SLC6A2: variants seen among roughly 807,000 people sequenced by gnomAD.
SLC6A2 encodes the protein sodium-dependent noradrenaline transporter.
In SLC6A2, 26 loss-of-function variants were observed where a neutral mutation model predicts 71.7. The ratio of observed to expected loss-of-function variants is 0.36; its 90% CI spans 0.27 to 0.50. The LOEUF (loss-of-function observed/expected upper bound fraction) is 0.50, where lower values mean the gene tolerates loss of function less well. SLC6A2 is among the 20% of genes least tolerant of loss of function. SLC6A2 has a pLI of 0.96. For synonymous variants in SLC6A2, 363 were observed against 337.9 expected (o/e 1.07, Z -0.82); for missense variants, 581 against 803.9 (o/e 0.72, Z 3.35).
At position 55,698,568 on chromosome 16, in the gene SLC6A2, G is replaced by A; in HGVS notation, c.1489G>A (p.Gly497Arg). The change falls in exon 11 of 15, where the codon GGA becomes AGA. Residue 497 changes from glycine (G) to arginine (R), a missense_variant and splice_region_variant. Gly to Arg is a moderately radical substitution (Grantham distance 125). This residue lies in a region of SLC6A2 where 334 missense variants were observed against 449.0 expected (regional missense o/e 0.74). Coordinates refer to ENST00000568943, the MANE Select transcript of SLC6A2 (RefSeq NM_001172501.3). ...AGCCATCGGAGTTTCCTGGTTTTAT[G>A]GTATGTGAGTGTGTGGAAAAGCCTC... ...MEAIGVSWFY[G>R]VDRFSNDIQQ... is the part of the protein sequence containing the mutation. The A allele has an allele frequency of 6.2e-7, 1 of 1,605,138 alleles. No homozygotes were observed.
rs1386507365 is a variant in SLC6A2, at chr16:55,703,841, G to A, written c.*1495G>A. On this transcript the variant is annotated 3_prime_UTR_variant, in exon 15 of 15. Coordinates refer to ENST00000568943, the MANE Select transcript of SLC6A2 (RefSeq NM_001172501.3). The stretch of plus-strand genomic sequence containing the variant: ...TTGTTGAGCCTGGTGGTTCCTGCAT[G>A]AAGAGGATTATGAGGGGACCAGGGT... The A allele has an allele frequency of 2.0e-6, 2 of 983,914 alleles. No homozygotes were observed. The highest frequency in any genetic ancestry group is 2.4e-6 in the Non-Finnish European group (2 of 828,698). 60.9% of individuals were successfully genotyped at this position (983,914 alleles called of 1,614,324 possible).
chr16:55,661,820 C>A (rs562912008), intron 2 of SLC6A2, among the ~76,000 whole-genome samples: 1 of 152,328 alleles, frequency 6.6e-6, no homozygotes, highest in South Asian at 2.1e-4. Context: ...GGACTCTCTC[C>A]TCTCCCCAAG....
Position 55,656,964 on chromosome 16 carries a change from C to T in SLC6A2, c.270C>T (p.Gly90=), listed in dbSNP as rs1286710340. Residue 90 remains glycine, a synonymous_variant, in exon 2 of 15, where the codon GGC becomes GGT. Coordinates refer to ENST00000568943, the MANE Select transcript of SLC6A2 (RefSeq NM_001172501.3). The surrounding 1 kb of genome is among the most constrained non-coding windows in gnomAD (Gnocchi z 4.5). ...TCCCCTACCTCTGCTACAAGAACGG[C>T]GGCGGTGAGCGTGGGGTCGGGCTGG... The part of the protein sequence containing the change: ...WRFPYLCYKN[G]GGAFLIPYTL... 6.2e-7 allele frequency: 1 copy of T among 1,613,202 alleles called. No homozygotes were observed. Among genetic ancestry groups the T allele is most frequent in the Non-Finnish European group, 8.5e-7 (1 of 1,179,608 alleles).
Position 55,705,406 on chromosome 16 carries a change from T to A in SLC6A2, c.*3060T>A. On this transcript the variant is annotated 3_prime_UTR_variant, in exon 15 of 15. Coordinates refer to ENST00000568943, the MANE Select transcript of SLC6A2 (RefSeq NM_001172501.3). ...CATTCTTACCAAAGAAATCATTTCC[T>A]AGTAAAGAAGCCCATTGAACTCACT... The A allele has an allele frequency of 1.6e-6, 1 of 631,748 alleles. No individual in the cohort carries two copies. Among genetic ancestry groups the A allele is most frequent in the Non-Finnish European group, 2.7e-6 (1 of 369,620 alleles). The allele number at this position is 631,748 out of a possible 1,614,324, so 39.1% of individuals were successfully genotyped here. A position where few individuals can be genotyped will look rare whatever the true frequency, so the allele number is the denominator to read the frequency against.
intron 2 of SLC6A2, among the ~76,000 whole-genome samples, chr16:55,657,993 A>T: frequency 6.6e-6 from 1 of 152,016 alleles, no homozygotes; most frequent in Non-Finnish European, 1.5e-5. Context: ...AAGAAATTGG[A>T]GAAGGGGGAC....
At chr16:55,689,959 T>C (rs557784048) in intron 5 of SLC6A2, among the ~76,000 whole-genome samples, 5 of 152,334 alleles carry the variant, frequency 3.3e-5, no homozygotes, top group Admixed American at 2.6e-4. Context: ...CTCGCTCCCA[T>C]GCTGACCCAG....
chr16:55,680,365 C>T (rs947150647), intron 4 of SLC6A2, among the ~76,000 whole-genome samples: 3 of 152,068 alleles, frequency 2.0e-5, no homozygotes, highest in Non-Finnish European at 4.4e-5. Flanking sequence ...TCGACTCACA[C>T]GATAACAAAG....
rs745567201 is a variant in SLC6A2 at position 55,669,553 on chromosome 16, T to C, written c.275-12T>C. ...GGTCTGTCAGGTCACACTCTGCCCCTGTGTCCTCCAGGTGCCTTCTTGATC... is the reference window on the plus strand; with the variant it reads ...GGTCTGTCAGGTCACACTCTGCCCCCGTGTCCTCCAGGTGCCTTCTTGATC... On this transcript the variant is annotated splice_polypyrimidine_tract_variant and intron_variant, in intron 2 of 14. Coordinates refer to ENST00000568943, the MANE Select transcript of SLC6A2 (RefSeq NM_001172501.3). 82 of 1,613,784 alleles carry C rather than the reference T, an allele frequency of 5.1e-5. No homozygotes were observed. The highest frequency in any genetic ancestry group is 6.7e-5 in the African/African-American group (5 of 74,926).
chr16:55,702,665 C>A lies in SLC6A2; in HGVS notation c.*319C>A. ...GGTTCATGAGGTCGGAAATCCCCAC[C>A]ACATTTGCCTAGACTTTGGGCACAG... is the stretch of plus-strand genomic sequence containing the variant. On this transcript the variant is annotated 3_prime_UTR_variant, in exon 15 of 15. Coordinates refer to ENST00000568943, the MANE Select transcript of SLC6A2 (RefSeq NM_001172501.3). 7.7e-7 allele frequency: 1 copy of A among 1,293,156 alleles called. No homozygotes were observed. Among genetic ancestry groups the A allele is most frequent in the Non-Finnish European group, 9.9e-7 (1 of 1,014,636 alleles). The allele number at this position is 1,293,156 out of a possible 1,614,324, so 80.1% of individuals were successfully genotyped here. A position where few individuals can be genotyped will look rare whatever the true frequency, so the allele number is the denominator to read the frequency against.
chr16:55,698,942 C>T (rs1258908423), intron 11 of SLC6A2, among the ~76,000 whole-genome samples: 3 of 152,176 alleles, frequency 2.0e-5, no homozygotes, highest in Admixed American at 6.5e-5. Flanking sequence ...AATATTGCAT[C>T]GGACATACTT....
At chr16:55,664,682 A>G (rs986593066) in intron 2 of SLC6A2, among the ~76,000 whole-genome samples, 24 of 152,208 alleles carry the variant, frequency 1.6e-4, no homozygotes, top group African/African-American at 5.3e-4. Flanking sequence ...TGACACAGGT[A>G]TTATTATCGC....
At chr16:55,664,277 G>T (rs1383437979) in intron 2 of SLC6A2, among the ~76,000 whole-genome samples, 1 of 152,122 alleles carries the variant, frequency 6.6e-6, no homozygotes, top group Non-Finnish European at 1.5e-5. Context: ...CTACCTTCAT[G>T]CCATCCTTCA....
In SLC6A2 at chr16:55,705,921, C is replaced by T. The variant is rs1210243629; in HGVS notation, c.*3575C>T. Reference sequence around the variant, plus strand: ...GAGGCTTTGGAGGGTAACACATTTTCATACCCTGTGAGTCCCAGGATCCAC... The same window carrying T: ...GAGGCTTTGGAGGGTAACACATTTTTATACCCTGTGAGTCCCAGGATCCAC... On this transcript the variant is annotated 3_prime_UTR_variant, in exon 15 of 15. Coordinates refer to ENST00000568943, the MANE Select transcript of SLC6A2 (RefSeq NM_001172501.3). 6.6e-6 allele frequency: 1 copy of T among 152,212 alleles called. No individual in the cohort carries two copies. Among genetic ancestry groups the T allele is most frequent in the Non-Finnish European group, 1.5e-5 (1 of 68,046 alleles). The allele number at this position is 152,212 out of a possible 1,614,324, so 9.4% of individuals were successfully genotyped here. A position where few individuals can be genotyped will look rare whatever the true frequency, so the allele number is the denominator to read the frequency against.
chr16:55,678,830 A>T (rs1596979528), intron 4 of SLC6A2, among the ~76,000 whole-genome samples: 1 of 152,262 alleles, frequency 6.6e-6, no homozygotes, highest in East Asian at 1.9e-4. Flanking sequence ...ACTAAAACTG[A>T]CGTAAGTTTC....
rs998916058 is a variant in SLC6A2, at chr16:55,697,761, C to T, written c.1261-136C>T. ...TGACGAGAGGATGGGGAAGGCAGGA[C>T]GTGCTGATTTCTCGAGAGAGGCAAG... On this transcript the variant is annotated intron_variant, in intron 9 of 14. Coordinates refer to ENST00000568943, the MANE Select transcript of SLC6A2 (RefSeq NM_001172501.3). The T allele has an allele frequency of 5.3e-5, 43 of 813,052 alleles. 1 individual carries two copies. The highest frequency in any genetic ancestry group is 8.2e-5 in the Non-Finnish European group (41 of 497,370). The allele number at this position is 813,052 out of a possible 1,614,324, so 50.4% of individuals were successfully genotyped here.
At chr16:55,698,665 T>G in intron 11 of SLC6A2, 97 bp downstream of exon 11, 8 of 844,384 alleles carry the variant, frequency 9.5e-6, no homozygotes, top group Non-Finnish European at 1.4e-5. Flanking sequence ...GACAGCCACC[T>G]AAAATTCCAG....
intron 12 of SLC6A2, among the ~76,000 whole-genome samples, 174 bp downstream of exon 12, chr16:55,699,828 C>A (rs1444754552): frequency 2.0e-5 from 3 of 152,022 alleles, no homozygotes; most frequent in African/African-American, 7.2e-5. Context: ...AGACATCCAC[C>A]TTACTAGGGG....
chr16:55,656,650 G>T lies in SLC6A2; in HGVS notation c.-45G>T. On this transcript the variant is annotated 5_prime_UTR_variant, in exon 2 of 15. Coordinates refer to ENST00000568943, the MANE Select transcript of SLC6A2 (RefSeq NM_001172501.3). The surrounding 1 kb of genome is among the most constrained non-coding windows in gnomAD (Gnocchi z 4.5). Reference sequence around the variant, plus strand: ...TTTCCCTTTATCCAAGCAGAGCCTCGGCGTGCCCCCAGGACCGGTAAAGTT... The same window carrying T: ...TTTCCCTTTATCCAAGCAGAGCCTCTGCGTGCCCCCAGGACCGGTAAAGTT... The T allele has an allele frequency of 6.2e-7, 1 of 1,610,032 alleles. No homozygotes were observed. The highest frequency in any genetic ancestry group is 1.1e-5 in the South Asian group (1 of 90,856).
rs1965664467 is a variant in SLC6A2 at position 55,692,447 on chromosome 16, C to A, written c.918+395C>A. On this transcript the variant is annotated intron_variant, in intron 6 of 14. Coordinates refer to ENST00000568943, the MANE Select transcript of SLC6A2 (RefSeq NM_001172501.3). ...GATCCCCAAACCTAGTCTTTGCCAC[C>A]ATCCTGTGATGTCAGCACAAGGATA... is the stretch of plus-strand genomic sequence containing the variant. 2.0e-5 allele frequency among the ~76,000 whole-genome samples: 3 copies of A among 152,308 alleles called. No homozygotes were observed. In the South Asian group the frequency reaches 6.2e-4, roughly 32 times the overall value.
Sources: allele counts gnomAD v4.1 joint callset (sites outside exome capture counted in the v4.1 genomes callset), GRCh38; gene constraint gnomAD v4.1.1; regional missense constraint gnomAD v4.1.1; non-coding constraint Gnocchi (gnomAD v3.1); transcripts MANE v1.5; gene names NCBI Gene and HGNC (gene_info 2026-07-23, HGNC 2026-07-21).